Variants in HMMR observed in about 807,000 individuals in gnomAD.
HMMR encodes the protein hyaluronan mediated motility receptor, also known as intracellular hyaluronic acid-binding protein.
Under a neutral mutation model 101.0 loss-of-function variants are expected in HMMR, and 108 were observed. That is an observed-to-expected ratio of 1.07 (90% CI 0.92 to 1.25). HMMR has a LOEUF of 1.25. HMMR is among the 50% of genes most tolerant of loss of function. The pLI, the probability that HMMR is intolerant of heterozygous loss-of-function variation, is 0.00. For missense variants in HMMR, 813 were observed against 788.7 expected, an observed-to-expected ratio of 1.03 and a Z score of -0.37; for synonymous variants, 296 against 276.4, an observed-to-expected ratio of 1.07 and a Z score of -0.70.
intron 13 of HMMR, 73 bp from the exon 14 acceptor site, chr5:163,482,947 A>T (rs1027868020): frequency 1.8e-5 from 24 of 1,365,952 alleles, no homozygotes; most frequent in Middle Eastern, 2.0e-4. Context: ...CTTGAGGTTT[A>T]AAGAAAAAAA....
At chr5:163,468,702 T>C (rs1758775342) in intron 4 of HMMR, among the ~76,000 whole-genome samples, 2 of 152,080 alleles carry the variant, frequency 1.3e-5, no homozygotes. Context: ...AATCACTGAG[T>C]CTCAGTGAGA....
Position 163,484,084 on chromosome 5 carries a change from T to G in HMMR, c.1801T>G (p.Phe601Val). Residue 601 changes from phenylalanine to valine, a missense_variant, in exon 16 of 18, where the codon TTT becomes GTT. Phe to Val is a conservative substitution (Grantham distance 50). Transcript: ENST00000393915. ...TCTTTTTCAGCTACAACTAGATGCTTTTGAAGTAGAAAAACAGGCATTGTT... is the reference window on the plus strand; with the variant it reads ...TCTTTTTCAGCTACAACTAGATGCTGTTGAAGTAGAAAAACAGGCATTGTT... ...TKPFQLQLDAFEVEKQALLNE... is the reference protein window; with the variant it reads ...TKPFQLQLDAVEVEKQALLNE... The G allele has an allele frequency of 3.1e-6, 5 of 1,593,506 alleles. No individual in the cohort carries two copies. The highest frequency in any genetic ancestry group is 4.3e-6 in the Non-Finnish European group (5 of 1,170,758).
rs1487919843 is a variant in HMMR at position 163,483,186 on chromosome 5, A to G, written c.1685+14A>G. On this transcript the variant is annotated intron_variant, in intron 14 of 17. Coordinates refer to ENST00000393915, the MANE Select transcript of HMMR (RefSeq NM_001142556.2). ...TGAAGAAGGAAGGTAATCTATGATT[A>G]GAACCTGAGTGCCTTGTTAACTCAG... The G allele has an allele frequency of 1.2e-6, 2 of 1,607,352 alleles. No individual in the cohort carries two copies. The highest frequency in any genetic ancestry group is 1.7e-6 in the Non-Finnish European group (2 of 1,176,806).
intron 11 of HMMR, among the ~76,000 whole-genome samples, chr5:163,477,383 A>G (rs1442775503): frequency 6.6e-6 from 1 of 152,140 alleles, no homozygotes; most frequent in Non-Finnish European, 1.5e-5. Flanking sequence ...TATTATTGTA[A>G]TATATCTCAC....
chr5:163,475,433 TTGG>T, intron 10 of HMMR, 22 bp from the exon 11 acceptor site: 1 of 1,384,814 alleles, frequency 7.2e-7, no homozygotes, highest in Non-Finnish European at 1.0e-6. Context: ...CCAAATTATT[TTGG>T]TGGTTTTCTG....
intron 17 of HMMR, 54 bp downstream of exon 17, chr5:163,490,606 T>C: frequency 7.5e-7 from 1 of 1,326,060 alleles, no homozygotes; most frequent in Non-Finnish European, 1.1e-6. Context: ...TTTGCTTTTA[T>C]AGCATTTAGC....
chr5:163,489,983 T>A (rs1282536188), intron 16 of HMMR, among the ~76,000 whole-genome samples: 1 of 152,228 alleles, frequency 6.6e-6, no homozygotes, highest in Non-Finnish European at 1.5e-5. Flanking sequence ...CAGATTTTCT[T>A]GAATAGATGT....
rs1759045784 is a variant in HMMR at position 163,475,655 on chromosome 5, A to G, written c.1251A>G (p.Leu417=). Residue 417 remains leucine, a synonymous_variant, in exon 11 of 18, where the codon CTA becomes CTG. Transcript: ENST00000393915. ...AKSRAEELKL[L]EEKLKGKEAE... ...CTAGAGCTGAAGAATTAAAACTCCT[A>G]GAAGAAAAGCTGAAAGGGTTTGTAT... 8 of 1,600,348 alleles carry G rather than the reference A, an allele frequency of 5.0e-6. No homozygotes were observed. The highest frequency in any genetic ancestry group is 6.8e-6 in the Non-Finnish European group (8 of 1,169,446).
intron 7 of HMMR, among the ~76,000 whole-genome samples, chr5:163,472,591 A>G (rs1238879469): frequency 6.6e-6 from 1 of 152,166 alleles, no homozygotes; most frequent in Non-Finnish European, 1.5e-5. Flanking sequence ...ATTCTCACCA[A>G]CATTTAATGT....
intron 10 of HMMR, chr5:163,474,460 C>T (rs1397736588): frequency 4.1e-6 from 2 of 482,188 alleles, no homozygotes; most frequent in South Asian, 1.7e-5. Flanking sequence ...AATTTTCTGG[C>T]TCATTCTTGT....
intron 16 of HMMR, among the ~76,000 whole-genome samples, chr5:163,485,599 T>G (rs1372004032): frequency 6.6e-6 from 1 of 152,230 alleles, no homozygotes; most frequent in African/African-American, 2.4e-5. Context: ...GCGAATATCT[T>G]CTCCCATTCT....
intron 16 of HMMR, among the ~76,000 whole-genome samples, chr5:163,484,632 C>A (rs914254913): frequency 2.6e-5 from 4 of 152,116 alleles, no homozygotes; most frequent in African/African-American, 9.7e-5. Flanking sequence ...ACAATCCACC[C>A]ATTGAAAGTG....
chr5:163,474,773 A>G (rs1001776420), intron 10 of HMMR, among the ~76,000 whole-genome samples: 6 of 152,116 alleles, frequency 3.9e-5, no homozygotes, highest in African/African-American at 1.4e-4. Context: ...GGTGAGAGTT[A>G]AGCCAACAGG....
chr5:163,483,941 C>A, intron 15 of HMMR, 128 bp from the exon 16 acceptor site: 2 of 553,304 alleles, frequency 3.6e-6, no homozygotes, highest in Non-Finnish European at 6.4e-6. Flanking sequence ...TATGGAGAGC[C>A]CTGAGAATAT....
At chr5:163,463,603 T>C (rs547838401) in intron 1 of HMMR, among the ~76,000 whole-genome samples, 1 of 152,364 alleles carries the variant, frequency 6.6e-6, no homozygotes, top group South Asian at 2.1e-4. Flanking sequence ...CTGTAATATA[T>C]GATGTTCATC....
At chr5:163,469,608 T>A in intron 4 of HMMR, 33 bp from the exon 5 acceptor site, 1 of 1,569,988 alleles carries the variant, frequency 6.4e-7, no homozygotes, top group Non-Finnish European at 8.7e-7. Flanking sequence ...ATTCTATCAG[T>A]GAATCATTTA....
Position 163,490,581 on chromosome 5 carries a change from T to C in HMMR, c.2125+29T>C, listed in dbSNP as rs752024588. 8.5e-6 allele frequency: 13 copies of C among 1,521,948 alleles called. 1 individual carries two copies. In the South Asian group the frequency reaches 1.3e-4, roughly 16 times the overall value. 94.3% of individuals were successfully genotyped at this position (1,521,948 alleles called of 1,614,324 possible). ...AGACATGAATAAATGTATAAAAGTG[T>C]CCTCTTCCTTTGGATTTGCTTTTAT... On this transcript the variant is annotated intron_variant, in intron 17 of 17. Transcript: ENST00000393915.
At position 163,471,277 on chromosome 5, in the gene HMMR, T is replaced by A; in HGVS notation, c.549+6T>A. On this transcript the variant is annotated splice_donor_region_variant and intron_variant, in intron 6 of 17. Transcript: ENST00000393915. ...AAAGAGAAACAAAGATGAGGGTGAGTGCTGCCCTTGGCAGGTTTGCTGTGT... is the reference window on the plus strand; with the variant it reads ...AAAGAGAAACAAAGATGAGGGTGAGAGCTGCCCTTGGCAGGTTTGCTGTGT... 6.2e-7 allele frequency: 1 copy of A among 1,609,308 alleles called. No individual in the cohort carries two copies. The highest frequency in any genetic ancestry group is 8.5e-7 in the Non-Finnish European group (1 of 1,175,672).
rs368938764 is a variant in HMMR at position 163,473,172 on chromosome 5, G to A, written c.651-7G>A. On this transcript the variant is annotated splice_polypyrimidine_tract_variant and splice_region_variant and intron_variant, in intron 7 of 17. Coordinates refer to ENST00000393915, the MANE Select transcript of HMMR (RefSeq NM_001142556.2). ...GAATGTATTAACATATGCAATTTTT[G>A]TTTTAGTGTTTCAATAGAGAAAGAA... is the stretch of plus-strand genomic sequence containing the variant. The A allele has an allele frequency of 4.1e-5, 58 of 1,404,938 alleles. No homozygotes were observed. The African/African-American group carries it at 7.7e-4, about 19-fold the overall frequency. 87.0% of individuals were successfully genotyped at this position (1,404,938 alleles called of 1,614,324 possible). A position where few individuals can be genotyped will look rare whatever the true frequency, so the allele number is the denominator to read the frequency against.
Sources: gnomAD v4.1 joint callset for allele counts (sites outside exome capture counted in the v4.1 genomes callset) on GRCh38, gnomAD v4.1.1 for gene constraint, MANE v1.5 for transcripts, NCBI Gene and HGNC (gene_info 2026-07-23, HGNC 2026-07-21) for gene names.